BLTP1: variants seen among roughly 807,000 people sequenced by gnomAD.
BLTP1 encodes the protein bridge-like lipid transfer protein family member 1, also known as fragile site-associated protein.
At chr4:122,268,292 TTGAA>T in the BLTP1 span, among the ~76,000 whole-genome samples, 2 of 150,974 alleles carry the variant, frequency 1.3e-5, no homozygotes, top group African/African-American at 5.0e-5. Flanking sequence ...AAAGAGTAGT[TTGAA>T]TGGTCCTGTC....
chr4:122,333,620 T>C, the BLTP1 span: 2 of 1,570,720 alleles, frequency 1.3e-6, no homozygotes, highest in Non-Finnish European at 1.7e-6. Context: ...AACATTTTTC[T>C]GTTCACAGGA....
the BLTP1 span, among the ~76,000 whole-genome samples, chr4:122,297,496 G>A: frequency 6.6e-6 from 1 of 152,004 alleles, no homozygotes; most frequent in South Asian, 2.1e-4. Flanking sequence ...GACAGTGTTG[G>A]GGCAATTCCT....
the BLTP1 span, chr4:122,198,435 C>T: frequency 4.1e-6 from 4 of 985,088 alleles, no homozygotes; most frequent in African/African-American, 7.0e-5. Context: ...GAGAGTTTTA[C>T]GCAATTGATA....
At chr4:122,193,596 C>A in the BLTP1 span, 1 of 626,582 alleles carries the variant, frequency 1.6e-6, no homozygotes, top group African/African-American at 2.0e-5. Flanking sequence ...GGACATTTAC[C>A]ATTAAATATG....
chr4:122,169,531 T>G, the BLTP1 span: 2 of 643,264 alleles, frequency 3.1e-6, no homozygotes, highest in Non-Finnish European at 3.9e-6. Context: ...TATCGGTAGG[T>G]TGGGTTAGTC....
At chr4:122,310,611 C>G in the BLTP1 span, among the ~76,000 whole-genome samples, 4 of 152,140 alleles carry the variant, frequency 2.6e-5, no homozygotes, top group Non-Finnish European at 5.9e-5. Context: ...CTCAGTGTCC[C>G]TCCACTTTGG....
chr4:122,311,244 G>T, the BLTP1 span, among the ~76,000 whole-genome samples: 3 of 152,166 alleles, frequency 2.0e-5, no homozygotes, highest in African/African-American at 7.2e-5. Context: ...TAGCACCTCA[G>T]TATATATTCT....
the BLTP1 span, chr4:122,300,932 A>C: frequency 1.0e-6 from 1 of 982,648 alleles, no homozygotes; most frequent in East Asian, 1.1e-4. Flanking sequence ...AAAAAAAAAA[A>C]ATGCTCTCTT....
chr4:122,292,267 C>T, the BLTP1 span: 1 of 830,036 alleles, frequency 1.2e-6, no homozygotes. Flanking sequence ...TGTGCCCAGC[C>T]CATCAAACAG....
the BLTP1 span, among the ~76,000 whole-genome samples, chr4:122,361,430 G>C: frequency 6.6e-6 from 1 of 152,126 alleles, no homozygotes; most frequent in Non-Finnish European, 1.5e-5. Context: ...CTGTTTAGGG[G>C]CTTGCTCCTG....
the BLTP1 span, chr4:122,184,692 G>A: frequency 4.1e-6 from 4 of 985,090 alleles, no homozygotes; most frequent in African/African-American, 7.0e-5. Context: ...AGAAAAAAAG[G>A]TAAAAATGCT....
chr4:122,357,673 A>T, the BLTP1 span, among the ~76,000 whole-genome samples: 1 of 152,142 alleles, frequency 6.6e-6, no homozygotes. Context: ...AAATGTAATG[A>T]TTTGGAATGC....
At chr4:122,209,718 T>A in the BLTP1 span, 5 of 1,431,380 alleles carry the variant, frequency 3.5e-6, no homozygotes, top group Middle Eastern at 1.8e-4. Flanking sequence ...AATTCTTCTT[T>A]CAAAAAATAA....
the BLTP1 span, chr4:122,247,289 G>A: frequency 1.4e-5 from 22 of 1,613,320 alleles, no homozygotes; most frequent in South Asian, 2.2e-5. Flanking sequence ...GCAGAAAAAG[G>A]CAAAGAAATT....
the BLTP1 span, chr4:122,348,959 C>T: frequency 9.2e-6 from 5 of 545,908 alleles, no homozygotes; most frequent in Non-Finnish European, 1.5e-5. Flanking sequence ...AATTTTCTAG[C>T]TTTTCTAGCT....
the BLTP1 span, among the ~76,000 whole-genome samples, chr4:122,242,741 A>C: frequency 4.3e-3 from 660 of 152,316 alleles, 8 homozygotes; most frequent in African/African-American, 0.015. Flanking sequence ...CTCTGGAGGA[A>C]AGACATTTGA....
chr4:122,258,710 G>A, the BLTP1 span: 1 of 1,613,448 alleles, frequency 6.2e-7, no homozygotes, highest in Admixed American at 1.7e-5. Flanking sequence ...GCCACAGTCA[G>A]TGAACACACA....
the BLTP1 span, chr4:122,251,070 C>A: frequency 1.0e-6 from 1 of 985,290 alleles, no homozygotes; most frequent in South Asian, 4.7e-5. Flanking sequence ...ACAGCAACAA[C>A]AAAAATATTC....
chr4:122,166,364 G>T, the BLTP1 span, among the ~76,000 whole-genome samples: 1 of 152,180 alleles, frequency 6.6e-6, no homozygotes, highest in African/African-American at 2.4e-5. Flanking sequence ...TGTCAGGTTT[G>T]TCAAAGTTCA....
Sources: gnomAD v4.1 joint callset for allele counts (sites outside exome capture counted in the v4.1 genomes callset) on GRCh38, gnomAD v4.1.1 for gene constraint, MANE v1.5 for transcripts, NCBI Gene and HGNC (gene_info 2026-07-23, HGNC 2026-07-21) for gene names.